Variants in DRC11 observed in about 807,000 individuals in gnomAD.
The protein encoded by DRC11 is IQ and AAA domain-containing protein 1.
chr2:236,331,465 T>C, the DRC11 span: 1 of 1,614,000 alleles, frequency 6.2e-7, no homozygotes, highest in South Asian at 1.1e-5. The surrounding 1 kb of genome is among the most constrained non-coding windows in gnomAD (Gnocchi z 4.8). Flanking sequence ...GATTCTCTGA[T>C]CTGTGAGCAC....
the DRC11 span, among the ~76,000 whole-genome samples, chr2:236,465,317 T>A: frequency 6.6e-6 from 1 of 152,204 alleles, no homozygotes; most frequent in East Asian, 1.9e-4. This position sits in a 1 kb window ranked among gnomAD's most constrained non-coding sequence, Gnocchi z 6.2. Flanking sequence ...ACATAGGCAC[T>A]ATGTGGGCCG....
chr2:236,423,289 T>C, the DRC11 span, among the ~76,000 whole-genome samples: 10 of 151,912 alleles, frequency 6.6e-5, no homozygotes, highest in South Asian at 4.2e-4. Context: ...AGAAAATTTT[T>C]GCAATCTACT....
the DRC11 span, chr2:236,324,883 C>G: frequency 1.4e-5 from 12 of 838,598 alleles, no homozygotes; most frequent in African/African-American, 3.4e-5. This position sits in a 1 kb window ranked among gnomAD's most constrained non-coding sequence, Gnocchi z 5.7. Flanking sequence ...AAGGGGCAAG[C>G]AGCCATTGTA....
At chr2:236,454,115 C>G in the DRC11 span, among the ~76,000 whole-genome samples, 1 of 152,116 alleles carries the variant, frequency 6.6e-6, no homozygotes, top group Non-Finnish European at 1.5e-5. This position sits in a 1 kb window ranked among gnomAD's most constrained non-coding sequence, Gnocchi z 5.3. Flanking sequence ...GACAGAAAAG[C>G]ACAATAGAGG....
At chr2:236,419,349 A>G in the DRC11 span, 2 of 1,481,946 alleles carry the variant, frequency 1.3e-6, no homozygotes, top group African/African-American at 1.4e-5. This position sits in a 1 kb window ranked among gnomAD's most constrained non-coding sequence, Gnocchi z 4.8. Context: ...TCTGAAAGGA[A>G]GTTTTTGTGC....
the DRC11 span, among the ~76,000 whole-genome samples, chr2:236,393,137 A>G: frequency 6.6e-6 from 1 of 152,186 alleles, no homozygotes; most frequent in Non-Finnish European, 1.5e-5. The surrounding 1 kb of genome is among the most constrained non-coding windows in gnomAD (Gnocchi z 4.7). Context: ...TTGGGGAAGG[A>G]GACATCTTTC....
At chr2:236,350,227 T>C in the DRC11 span, among the ~76,000 whole-genome samples, 71 of 152,220 alleles carry the variant, frequency 4.7e-4, no homozygotes, top group Non-Finnish European at 7.1e-4. The surrounding 1 kb of genome is among the most constrained non-coding windows in gnomAD (Gnocchi z 5.2). Context: ...AAGTTAGCGA[T>C]TGTTCCTTTA....
At chr2:236,330,183 A>G in the DRC11 span, among the ~76,000 whole-genome samples, 2 of 152,228 alleles carry the variant, frequency 1.3e-5, no homozygotes, top group South Asian at 2.1e-4. This position sits in a 1 kb window ranked among gnomAD's most constrained non-coding sequence, Gnocchi z 5.5. Context: ...ACACTCAGCT[A>G]GAGTTACATT....
chr2:236,494,639 T>C, the DRC11 span, among the ~76,000 whole-genome samples: 6,488 of 152,276 alleles, frequency 0.043, 294 homozygotes, highest in East Asian at 0.15. The surrounding 1 kb of genome is among the most constrained non-coding windows in gnomAD (Gnocchi z 4.2). Context: ...GTTTTCAGAA[T>C]TGGCTACCTT....
At chr2:236,324,729 C>T in the DRC11 span, 27 of 1,605,046 alleles carry the variant, frequency 1.7e-5, no homozygotes, top group Non-Finnish European at 5.1e-6. This position sits in a 1 kb window ranked among gnomAD's most constrained non-coding sequence, Gnocchi z 5.7. Flanking sequence ...TCTGTGCTGC[C>T]TCCTGTTATC....
chr2:236,397,804 G>A, the DRC11 span, among the ~76,000 whole-genome samples: 1 of 152,142 alleles, frequency 6.6e-6, no homozygotes, highest in Non-Finnish European at 1.5e-5. The surrounding 1 kb of genome is among the most constrained non-coding windows in gnomAD (Gnocchi z 5.0). Context: ...ACTGTCATCC[G>A]AACTTACAGA....
the DRC11 span, among the ~76,000 whole-genome samples, chr2:236,450,473 C>T: frequency 6.6e-6 from 1 of 151,678 alleles, no homozygotes; most frequent in Non-Finnish European, 1.5e-5. Context: ...GTGTGCACCA[C>T]CACACCCAGC....
chr2:236,501,633 T>C, the DRC11 span, among the ~76,000 whole-genome samples: 8 of 152,212 alleles, frequency 5.3e-5, no homozygotes, highest in East Asian at 1.3e-3. Context: ...AAGTCCAGAC[T>C]TCTAGGGCCC....
At chr2:236,393,653 G>A in the DRC11 span, among the ~76,000 whole-genome samples, 3,893 of 152,302 alleles carry the variant, frequency 0.026, 163 homozygotes, top group African/African-American at 0.086. This position sits in a 1 kb window ranked among gnomAD's most constrained non-coding sequence, Gnocchi z 4.7. Context: ...AAAAGGGATG[G>A]ACAAGGAAAG....
the DRC11 span, among the ~76,000 whole-genome samples, chr2:236,358,276 GATATATAT>G: frequency 4.0e-5 from 5 of 126,474 alleles, no homozygotes; most frequent in African/African-American, 1.3e-4. Flanking sequence ...ATAATATATA[GATATATAT>G]ACTATATGAA....
At chr2:236,319,227 C>T in the DRC11 span, among the ~76,000 whole-genome samples, 3 of 152,218 alleles carry the variant, frequency 2.0e-5, no homozygotes, top group South Asian at 2.1e-4. This position sits in a 1 kb window ranked among gnomAD's most constrained non-coding sequence, Gnocchi z 6.7. Context: ...AGTAATTGAA[C>T]AGCAGGTGGC....
chr2:236,345,317 C>A, the DRC11 span, among the ~76,000 whole-genome samples: 1 of 148,956 alleles, frequency 6.7e-6, no homozygotes, highest in Non-Finnish European at 1.5e-5. Context: ...CAAGTCCCCA[C>A]CCCCCCCAAC....
the DRC11 span, among the ~76,000 whole-genome samples, chr2:236,379,965 A>G: frequency 6.6e-6 from 1 of 152,288 alleles, no homozygotes; most frequent in Non-Finnish European, 1.5e-5. Flanking sequence ...GAAGAAAAAT[A>G]TACATTCAAA....
the DRC11 span, among the ~76,000 whole-genome samples, chr2:236,498,348 C>G: frequency 6.6e-6 from 1 of 151,990 alleles, no homozygotes; most frequent in South Asian, 2.1e-4. Context: ...GCCTGTAGTC[C>G]CAGTTACTCA....
Sources: allele counts gnomAD v4.1 joint callset (sites outside exome capture counted in the v4.1 genomes callset), GRCh38; gene constraint gnomAD v4.1.1; non-coding constraint Gnocchi (gnomAD v3.1); transcripts MANE v1.5; gene names NCBI Gene and HGNC (gene_info 2026-07-23, HGNC 2026-07-21).